The following SORBS2 variants were observed in gnomAD, a reference collection of about 807,000 sequenced individuals.
The protein encoded by SORBS2 is sorbin and SH3 domain containing 2, also known as sorbin and SH3 domain-containing protein 2.
Under a neutral mutation model 97.7 loss-of-function variants are expected in SORBS2, and 46 were observed. The ratio of observed to expected loss-of-function variants is 0.47; its 90% CI spans 0.37 to 0.60. SORBS2 has a LOEUF of 0.60. Among genes scored for constraint, SORBS2 ranks in the 20% least tolerant of loss-of-function variants. The pLI is 0.00. For missense variants in SORBS2, 1,316 were observed against 1,282.3 expected (o/e 1.03, Z -0.40); for synonymous variants, 476 against 473.4 (o/e 1.01, Z -0.07).
rs749453858 is a variant in SORBS2 at position 185,649,596 on chromosome 4, CT to C, written c.151del (p.Arg51AspfsTer90). On this transcript the variant is annotated frameshift_variant, in exon 3 of 15. Transcript: ENST00000418609. LOFTEE classifies it high-confidence loss of function. ...GTCGGAGTGGCTTTTGGAAAGAGGT[CT>C]GTAGGTTTGGGTCTTTGCAGCAGGG... 6.2e-7 allele frequency: 1 copy of C among 1,601,480 alleles called. No homozygotes were observed. Among genetic ancestry groups the C allele is most frequent in the Non-Finnish European group, 8.5e-7 (1 of 1,173,882 alleles).
At chr4:185,670,822 T>G (rs1346613853) in intron 4 of SORBS2, among the ~76,000 whole-genome samples, 1 of 152,162 alleles carries the variant, frequency 6.6e-6, no homozygotes, top group Non-Finnish European at 1.5e-5. Context: ...GATCATCATT[T>G]TGCTGGCCAC....
In SORBS2 at chr4:185,623,367, C is replaced by T. The variant is rs2096749959; in HGVS notation, c.1762G>A (p.Glu588Lys). 1.2e-6 allele frequency: 2 copies of T among 1,613,418 alleles called. No individual in the cohort carries two copies. The highest frequency in any genetic ancestry group is 1.7e-5 in the Admixed American group (1 of 59,984). The change falls in exon 7 of 15, where the codon GAG becomes AAG. Residue 588 changes from glutamate to lysine, a missense_variant. Glu to Lys is a moderately conservative substitution (Grantham distance 56). Transcript: ENST00000418609. This position sits in a 1 kb window ranked among gnomAD's most constrained non-coding sequence, Gnocchi z 6.4. The stretch of plus-strand genomic sequence containing the variant: ...GGGTCCATTTCTTGCCTTCTGGGCT[C>T]CTCGGTGTTTTCGTGTCTGGCTCTT...
intron 2 of SORBS2, among the ~76,000 whole-genome samples, chr4:185,724,840 T>C (rs1391165191): frequency 6.6e-6 from 1 of 152,214 alleles, no homozygotes; most frequent in African/African-American, 2.4e-5. Flanking sequence ...TTTTCCTGAG[T>C]TGATTATTCT....
chr4:185,726,436 T>C (rs1386584893), intron 2 of SORBS2, among the ~76,000 whole-genome samples: 1 of 152,154 alleles, frequency 6.6e-6, no homozygotes, highest in East Asian at 1.9e-4. Context: ...ATCAAAGGAA[T>C]GTAATAGTAC....
At chr4:185,746,420 A>C (rs536080019) in intron 2 of SORBS2, among the ~76,000 whole-genome samples, 5 of 152,158 alleles carry the variant, frequency 3.3e-5, no homozygotes, top group Non-Finnish European at 7.4e-5. Flanking sequence ...GGGTTCAAGC[A>C]ATTCTCCTGC....
chr4:185,954,217 G>A (rs2099278549), intron 1 of SORBS2, among the ~76,000 whole-genome samples: 1 of 152,104 alleles, frequency 6.6e-6, no homozygotes, highest in African/African-American at 2.4e-5. Flanking sequence ...GGTTGCTAAT[G>A]GACTCCCTGT....
At chr4:185,934,170 G>GGATA (rs1188000296) in intron 1 of SORBS2, among the ~76,000 whole-genome samples, 1 of 152,118 alleles carries the variant, frequency 6.6e-6, no homozygotes, top group Non-Finnish European at 1.5e-5. Flanking sequence ...TGCCATTGTT[G>GGATA]GATAATATAG....
intron 13 of SORBS2, chr4:185,593,590 A>G: frequency 2.9e-6 from 1 of 348,794 alleles, no homozygotes; most frequent in South Asian, 4.6e-5. Flanking sequence ...CTCGTTACAC[A>G]GCCAGCAGAG....
intron 1 of SORBS2, among the ~76,000 whole-genome samples, chr4:185,783,898 T>C (rs1366337412): frequency 2.0e-5 from 3 of 152,222 alleles, no homozygotes; most frequent in Non-Finnish European, 4.4e-5. Flanking sequence ...CCCATATTCA[T>C]TACTCTGTAA....
At chr4:185,781,041 G>A (rs1237036813) in intron 1 of SORBS2, among the ~76,000 whole-genome samples, 6 of 152,182 alleles carry the variant, frequency 3.9e-5, no homozygotes, top group African/African-American at 4.8e-5. Flanking sequence ...GGGTTCAAGC[G>A]ATTCTCCTGC....
chr4:185,901,864 T>C (rs1362560101), intron 1 of SORBS2, among the ~76,000 whole-genome samples: 1 of 152,192 alleles, frequency 6.6e-6, no homozygotes, highest in Non-Finnish European at 1.5e-5. Flanking sequence ...GGTCAGAAAA[T>C]TCATGTAACC....
At chr4:185,611,090 A>G (rs987709361) in intron 12 of SORBS2, among the ~76,000 whole-genome samples, 3 of 152,170 alleles carry the variant, frequency 2.0e-5, no homozygotes, top group Non-Finnish European at 2.9e-5. Context: ...GCTCAAGTGA[A>G]ACAGTAGAAC....
At chr4:185,902,522 T>C (rs2099248259) in intron 1 of SORBS2, among the ~76,000 whole-genome samples, 1 of 152,102 alleles carries the variant, frequency 6.6e-6, no homozygotes, top group South Asian at 2.1e-4. Flanking sequence ...GAAAAATCCT[T>C]ATTATGAAAT....
At chr4:185,819,184 G>T (rs1005786099) in intron 1 of SORBS2, among the ~76,000 whole-genome samples, 4 of 152,226 alleles carry the variant, frequency 2.6e-5, no homozygotes, top group Admixed American at 2.0e-4. Flanking sequence ...TCACTTGAAG[G>T]ATTGAGAAAT....
intron 2 of SORBS2, among the ~76,000 whole-genome samples, chr4:185,742,386 GAAT>G (rs2153586739): frequency 6.6e-6 from 1 of 152,290 alleles, no homozygotes; most frequent in African/African-American, 2.4e-5. Flanking sequence ...CACAAGATGG[GAAT>G]AATAAGGCAC....
chr4:185,848,618 CTTTTTTTTTTTTTTTTTTTTTTTTT>C (rs537195530), intron 1 of SORBS2, among the ~76,000 whole-genome samples: 12 of 75,636 alleles, frequency 1.6e-4, no homozygotes, highest in Admixed American at 4.8e-4. Flanking sequence ...AAGGATATCT[CTTTTTTTTTTTTTTTTTTTTTTTTT>C]TTTTTTTTTT....
At chr4:185,786,527 C>T (rs1420551104) in intron 1 of SORBS2, among the ~76,000 whole-genome samples, 1 of 152,228 alleles carries the variant, frequency 6.6e-6, no homozygotes, top group African/African-American at 2.4e-5. Flanking sequence ...CCCTCTATCA[C>T]AGCAGTGATT....
At chr4:185,874,858 A>AT (rs111821985) in intron 1 of SORBS2, among the ~76,000 whole-genome samples, 2,773 of 93,036 alleles carry the variant, frequency 0.03, 242 homozygotes, top group East Asian at 0.063. Context: ...CCTTACCCTG[A>AT]TTTTTTTTTT....
At chr4:185,838,725 G>A (rs2099209699) in intron 1 of SORBS2, among the ~76,000 whole-genome samples, 1 of 152,122 alleles carries the variant, frequency 6.6e-6, no homozygotes, top group African/African-American at 2.4e-5. Flanking sequence ...TACAGTATTA[G>A]CATGTAAGCT....
Sources: allele counts gnomAD v4.1 joint callset (sites outside exome capture counted in the v4.1 genomes callset), GRCh38; gene constraint gnomAD v4.1.1; non-coding constraint Gnocchi (gnomAD v3.1); transcripts MANE v1.5; gene names NCBI Gene and HGNC (gene_info 2026-07-23, HGNC 2026-07-21).